The following PDE8A variants were observed in gnomAD, a reference collection of about 807,000 sequenced individuals.
PDE8A encodes the protein phosphodiesterase 8A, also known as high affinity cAMP-specific and IBMX-insensitive 3',5'-cyclic phosphodiesterase 8A.
A neutral mutation model predicts 105.0 loss-of-function variants in PDE8A; 59 were observed. The observed-to-expected ratio is 0.56, with a 90% CI of 0.46 to 0.70. The LOEUF (loss-of-function observed/expected upper bound fraction) is 0.70, where lower values mean the gene tolerates loss of function less well. PDE8A is among the 30% of genes least tolerant of loss of function. PDE8A has a pLI of 0.00. For synonymous variants in PDE8A, 355 were observed against 371.9 expected (o/e 0.95, Z 0.52); for missense variants, 1,014 against 1,045.9 (o/e 0.97, Z 0.42).
intron 1 of PDE8A, among the ~76,000 whole-genome samples, chr15:85,011,843 T>C (rs1021797006): frequency 6.6e-6 from 1 of 151,924 alleles, no homozygotes; most frequent in African/African-American, 2.4e-5. Flanking sequence ...CTCAAACAAA[T>C]TTACAAGAAA....
At chr15:85,122,885 G>C (rs574056030) in intron 18 of PDE8A, among the ~76,000 whole-genome samples, 176 bp from the exon 19 acceptor site, 2 of 152,172 alleles carry the variant, frequency 1.3e-5, no homozygotes, top group Non-Finnish European at 2.9e-5. Context: ...CCTTGCTAAC[G>C]ATCTAGGCAC....
At position 85,097,970 on chromosome 15, in the gene PDE8A, C is replaced by A. The variant is rs868773403; in HGVS notation, c.875C>A (p.Ala292Asp). 1 of 1,591,962 alleles carries A rather than the reference C, an allele frequency of 6.3e-7. No individual in the cohort carries two copies. The highest frequency in any genetic ancestry group is 8.6e-7 in the Non-Finnish European group (1 of 1,160,220). ...IGKEWQGIYYAKKKNGDNIQQ... is the reference protein window; with the variant it reads ...IGKEWQGIYYDKKKNGDNIQQ... ...TAGGAGTGGCAAGGAATTTACTATG[C>A]CAAAAAGAAAAACGGAGATAATATA... is the stretch of plus-strand genomic sequence containing the variant. Residue 292 changes from alanine (A) to aspartate (D), a missense_variant, in exon 9 of 22, where the codon GCC (alanine) becomes GAC (aspartate). Ala to Asp is a moderately radical substitution (Grantham distance 126). Coordinates refer to ENST00000394553, the MANE Select transcript of PDE8A (RefSeq NM_002605.3).
At chr15:85,122,221 G>A (rs995651919) in intron 18 of PDE8A, among the ~76,000 whole-genome samples, 3 of 152,108 alleles carry the variant, frequency 2.0e-5, no homozygotes, top group Non-Finnish European at 4.4e-5. Flanking sequence ...TTTGTGTAAT[G>A]TCTGATTAGA....
intron 1 of PDE8A, among the ~76,000 whole-genome samples, chr15:85,032,262 G>A (rs1040589192): frequency 7.2e-5 from 11 of 152,354 alleles, no homozygotes; most frequent in African/African-American, 2.6e-4. Context: ...TAGATGTAAA[G>A]GAGCAGTCTG....
rs141073085 is a variant in PDE8A at position 85,125,965 on chromosome 15, T to C, written c.2086-242T>C. On this transcript the variant is annotated intron_variant, in intron 19 of 21. Transcript: ENST00000394553. Reference sequence around the variant, plus strand: ...GCAAGGAAAAGGGGAAGGGCAGATATACCAACCCCTAGTGCTACCCTCCAC... The same window carrying C: ...GCAAGGAAAAGGGGAAGGGCAGATACACCAACCCCTAGTGCTACCCTCCAC... Among the ~76,000 whole-genome samples the C allele has an allele frequency of 3.3e-5, 5 of 152,156 alleles. No homozygotes were observed. The East Asian group carries it at 7.7e-4, about 24-fold the overall frequency.
intron 1 of PDE8A, among the ~76,000 whole-genome samples, chr15:84,988,215 G>A (rs1288263657): frequency 6.6e-6 from 1 of 152,182 alleles, no homozygotes; most frequent in Non-Finnish European, 1.5e-5. Flanking sequence ...CAAATCCACT[G>A]GTCCTGGCTC....
chr15:85,114,433 G>T (rs1031351600), intron 14 of PDE8A, among the ~76,000 whole-genome samples: 1 of 152,198 alleles, frequency 6.6e-6, no homozygotes, highest in African/African-American at 2.4e-5. Flanking sequence ...GGTGCCGGGG[G>T]TGCAACAGTT....
intron 1 of PDE8A, among the ~76,000 whole-genome samples, chr15:85,029,426 T>TC (rs2080575615): frequency 6.6e-6 from 1 of 151,750 alleles, no homozygotes; most frequent in African/African-American, 2.4e-5. Flanking sequence ...CTTTTTTTTT[T>TC]TTTTAATGAC....
chr15:85,064,439 G>T lies in PDE8A; in HGVS notation c.243+13G>T, dbSNP rs11073917. On this transcript the variant is annotated intron_variant, in intron 2 of 21. Transcript: ENST00000394553. ...AGATCAACTTCAGGTAATAATGAAC[G>T]ATGCTGTATTTTTCACATGCTGATT... The T allele has an allele frequency of 0.14, 220,446 of 1,571,162 alleles. 18,688 individuals carry two copies. Among genetic ancestry groups the T allele is most frequent in the East Asian group, 0.39 (17,378 of 44,514 alleles).
chr15:85,104,616 G>A (rs967287283), intron 11 of PDE8A, among the ~76,000 whole-genome samples: 4 of 152,090 alleles, frequency 2.6e-5, no homozygotes, highest in South Asian at 2.1e-4. Context: ...ATAAAGAGAA[G>A]ACTTCAGAAT....
At chr15:85,134,297 G>A (rs986513658) in intron 20 of PDE8A, among the ~76,000 whole-genome samples, 4 of 152,214 alleles carry the variant, frequency 2.6e-5, no homozygotes, top group African/African-American at 7.2e-5. Context: ...TGCCCAGAGA[G>A]AGCTGGCTTA....
intron 1 of PDE8A, among the ~76,000 whole-genome samples, chr15:85,017,327 A>C (rs2080342769): frequency 6.6e-6 from 1 of 152,128 alleles, no homozygotes. Context: ...TAGCCTGCTA[A>C]GTTCTCTGAT....
At chr15:84,999,334 C>G (rs1380065927) in intron 1 of PDE8A, among the ~76,000 whole-genome samples, 5 of 151,890 alleles carry the variant, frequency 3.3e-5, no homozygotes, top group Non-Finnish European at 7.4e-5. Flanking sequence ...TTGGCCAGGC[C>G]TGGTCTTTGA....
chr15:85,099,853 CTTCT>C, intron 9 of PDE8A, 158 bp from the exon 10 acceptor site: 1 of 641,386 alleles, frequency 1.6e-6, no homozygotes, highest in Non-Finnish European at 2.8e-6. Flanking sequence ...TTTGTGATCT[CTTCT>C]TTATTTATTG....
chr15:85,082,893 C>G (rs994541710), intron 5 of PDE8A, among the ~76,000 whole-genome samples: 1 of 152,194 alleles, frequency 6.6e-6, no homozygotes, highest in African/African-American at 2.4e-5. Context: ...CTATGTAATT[C>G]ACTTTGTCGT....
intron 1 of PDE8A, among the ~76,000 whole-genome samples, chr15:85,033,364 G>A (rs978869901): frequency 6.6e-6 from 1 of 152,190 alleles, no homozygotes; most frequent in Non-Finnish European, 1.5e-5. Context: ...TACTTGTAGG[G>A]AGAGGTCTGA....
At chr15:85,017,217 C>T (rs781536421) in intron 1 of PDE8A, among the ~76,000 whole-genome samples, 15 of 150,836 alleles carry the variant, frequency 9.9e-5, no homozygotes, top group Non-Finnish European at 1.5e-4. Context: ...GCCGAGATTG[C>T]GCCACTGCAG....
chr15:84,995,734 T>C (rs1204876723), intron 1 of PDE8A, among the ~76,000 whole-genome samples: 1 of 152,242 alleles, frequency 6.6e-6, no homozygotes, highest in Non-Finnish European at 1.5e-5. Context: ...AAGCTCACGA[T>C]AAATATTGTT....
intron 1 of PDE8A, among the ~76,000 whole-genome samples, chr15:85,005,927 G>T (rs944906858): frequency 3.3e-5 from 5 of 152,210 alleles, no homozygotes; most frequent in African/African-American, 9.7e-5. Context: ...TGCCACAGGG[G>T]CATGCATGAT....
Sources: gnomAD v4.1 joint callset for allele counts (sites outside exome capture counted in the v4.1 genomes callset) on GRCh38, gnomAD v4.1.1 for gene constraint, MANE v1.5 for transcripts, NCBI Gene and HGNC (gene_info 2026-07-23, HGNC 2026-07-21) for gene names.